CELSR1: variants seen among roughly 807,000 people sequenced by gnomAD.
The protein encoded by CELSR1 is cadherin EGF LAG seven-pass G-type receptor 1.
A neutral mutation model predicts 249.1 loss-of-function variants in CELSR1; 110 were observed. The observed-to-expected ratio is 0.44, with a 90% CI of 0.38 to 0.52. CELSR1 has a LOEUF of 0.52. CELSR1 is among the 20% of genes least tolerant of loss of function. The pLI is 0.00. For missense variants in CELSR1, 4,109 were observed against 4,296.4 expected (o/e 0.96, Z 1.22); for synonymous variants, 2,113 against 1,900.0 (o/e 1.11, Z -2.92).
Position 46,396,470 on chromosome 22 carries a change from TAA to T in CELSR1, c.5843+133_5843+134del. ...GATTTTCACTTAATTCATGCCAAAT[TAA>T]AAAAAAATATGTCCCTGTTACCCAG... On this transcript the variant is annotated intron_variant, in intron 13 of 34. Transcript: ENST00000674500. The surrounding 1 kb of genome is among the most constrained non-coding windows in gnomAD (Gnocchi z 6.4). 6 of 919,546 alleles carry T rather than the reference TAA, an allele frequency of 6.5e-6. No individual in the cohort carries two copies. The highest frequency in any genetic ancestry group is 8.6e-6 in the Non-Finnish European group (6 of 693,888). The allele number at this position is 919,546 out of a possible 1,614,324, so 57.0% of individuals were successfully genotyped here. A position where few individuals can be genotyped will look rare whatever the true frequency, so the allele number is the denominator to read the frequency against.
rs770857909 is a variant in CELSR1 at position 46,409,086 on chromosome 22, G to C, written c.5136C>G (p.Pro1712=). ...TCCGGAACATGAGCCCCAGGTACCA[G>C]GGCACAGAGATGATGATGTTCAGGT... The part of the protein sequence containing the change: ...WSDLNIIISV[P]WYLGLMFRTR... The change falls in exon 9 of 35, where the codon CCC becomes CCG. Residue 1712 remains proline (P), a synonymous_variant. Coordinates refer to ENST00000674500, the MANE Select transcript of CELSR1 (RefSeq NM_001378328.1). The surrounding 1 kb of genome is among the most constrained non-coding windows in gnomAD (Gnocchi z 9.8). 14 of 1,612,328 alleles carry C rather than the reference G, an allele frequency of 8.7e-6. 2 individuals carry two copies. The South Asian group carries it at 1.4e-4, about 16-fold the overall frequency.
Position 46,500,144 on chromosome 22 carries a change from A to T in CELSR1, c.3544+33483T>A, listed in dbSNP as rs1253761114. Reference sequence around the variant, plus strand: ...CACCCCAGCCCCTGGTCCTCCCAGCATGATCCCACCCCAGCCCCTGGTCCT... The same window carrying T: ...CACCCCAGCCCCTGGTCCTCCCAGCTTGATCCCACCCCAGCCCCTGGTCCT... On this transcript the variant is annotated intron_variant, in intron 1 of 34. Coordinates refer to ENST00000674500, the MANE Select transcript of CELSR1 (RefSeq NM_001378328.1). This position sits in a 1 kb window ranked among gnomAD's most constrained non-coding sequence, Gnocchi z 4.9. 8.3e-6 allele frequency among the ~76,000 whole-genome samples: 1 copy of T among 120,186 alleles called. No homozygotes were observed. The highest frequency in any genetic ancestry group is 3.2e-5 in the African/African-American group (1 of 31,112). The allele number at this position is 120,186 out of a possible 152,430, so 78.8% of individuals were successfully genotyped here.
Position 46,407,324 on chromosome 22 carries a change from T to A in CELSR1, c.5226+1672A>T, listed in dbSNP as rs1000756191. 6.6e-6 allele frequency among the ~76,000 whole-genome samples: 1 copy of A among 151,888 alleles called. No homozygotes were observed. The highest frequency in any genetic ancestry group is 1.5e-5 in the Non-Finnish European group (1 of 68,016). On this transcript the variant is annotated intron_variant, in intron 9 of 34. Transcript: ENST00000674500. This position sits in a 1 kb window ranked among gnomAD's most constrained non-coding sequence, Gnocchi z 4.8. Reference sequence around the variant, plus strand: ...ATGCACACACACTTGCACGGAGATATGCGCACACACACACACAAACTTGGA... The same window carrying A: ...ATGCACACACACTTGCACGGAGATAAGCGCACACACACACACAAACTTGGA...
chr22:46,518,218 C>A lies in CELSR1; in HGVS notation c.3544+15409G>T, dbSNP rs1211399662. On this transcript the variant is annotated intron_variant, in intron 1 of 34. Transcript: ENST00000674500. This position sits in a 1 kb window ranked among gnomAD's most constrained non-coding sequence, Gnocchi z 5.2. ...AGCCACCACGCCTGGCCTCGGCATC[C>A]CCTTTCTAAAGGACATCTCAAAGCA... is the stretch of plus-strand genomic sequence containing the variant. Among the ~76,000 whole-genome samples, 2 of 152,136 alleles carry A rather than the reference C, an allele frequency of 1.3e-5. No individual in the cohort carries two copies. Among genetic ancestry groups the A allele is most frequent in the African/African-American group, 4.8e-5 (2 of 41,444 alleles).
chr22:46,522,220 G>A (rs4823841), intron 1 of CELSR1, among the ~76,000 whole-genome samples: 28,380 of 152,118 alleles, frequency 0.19, 3,230 homozygotes, highest in Non-Finnish European at 0.23. Flanking sequence ...CCACCTCCCA[G>A]GCTGAAGCGA....
chr22:46,383,497 G>A (rs184528987), intron 20 of CELSR1, among the ~76,000 whole-genome samples: 218 of 152,264 alleles, frequency 1.4e-3, no homozygotes, highest in Middle Eastern at 6.8e-3. Context: ...GAAGGGGAAG[G>A]TGATTCTAAA....
At position 46,398,644 on chromosome 22, in the gene CELSR1, G is replaced by A. The variant is rs762161059; in HGVS notation, c.5413-7C>T. The A allele has an allele frequency of 2.4e-5, 39 of 1,602,852 alleles. No homozygotes were observed. Among genetic ancestry groups the A allele is most frequent in the African/African-American group, 1.7e-4 (13 of 74,500 alleles). Reference sequence around the variant, plus strand: ...CCCCGATATCTGCCTTGTTCTGTGCGGAGAGAGGGGCCGGGGATCTGGGGG... The same window carrying A: ...CCCCGATATCTGCCTTGTTCTGTGCAGAGAGAGGGGCCGGGGATCTGGGGG... On this transcript the variant is annotated splice_polypyrimidine_tract_variant and splice_region_variant and intron_variant, in intron 10 of 34. Transcript: ENST00000674500. The surrounding 1 kb of genome is among the most constrained non-coding windows in gnomAD (Gnocchi z 7.2).
intron 1 of CELSR1, among the ~76,000 whole-genome samples, chr22:46,499,065 A>G (rs931559993): frequency 2.0e-5 from 3 of 152,010 alleles, no homozygotes; most frequent in African/African-American, 7.2e-5. Context: ...CTGTAATCCC[A>G]GCTACTCCGG....
intron 5 of CELSR1, among the ~76,000 whole-genome samples, chr22:46,418,452 T>C (rs1452807735): frequency 6.6e-6 from 1 of 151,996 alleles, no homozygotes; most frequent in Non-Finnish European, 1.5e-5. Context: ...ACAACTACAC[T>C]CCAGCCTGGG....
In CELSR1 at chr22:46,484,895, C is replaced by T. The variant is rs937581042; in HGVS notation, c.3545-20550G>A. Among the ~76,000 whole-genome samples, 2 of 151,208 alleles carry T rather than the reference C, an allele frequency of 1.3e-5. No homozygotes were observed. The highest frequency in any genetic ancestry group is 6.6e-5 in the Admixed American group (1 of 15,102). ...GGAAAAGATCAAATATTGGCCCAGA[C>T]GTCTATTAATTTGCAACTTGCATTG... On this transcript the variant is annotated intron_variant, in intron 1 of 34. Transcript: ENST00000674500. The surrounding 1 kb of genome is among the most constrained non-coding windows in gnomAD (Gnocchi z 4.5).
rs541635501 is a variant in CELSR1, at chr22:46,412,568, T to TG, written c.4612-810dup. Reference sequence around the variant, plus strand: ...TTCTTCTGGAATCAGTGACCTTGGGTGAAACCTTTCCCTTCTCCAAGAGAC... The same window carrying TG: ...TTCTTCTGGAATCAGTGACCTTGGGTGGAAACCTTTCCCTTCTCCAAGAGAC... On this transcript the variant is annotated intron_variant, in intron 5 of 34. Transcript: ENST00000674500. This position sits in a 1 kb window ranked among gnomAD's most constrained non-coding sequence, Gnocchi z 4.5. Among the ~76,000 whole-genome samples the TG allele has an allele frequency of 1.1e-3, 162 of 152,202 alleles. 1 individual carries two copies. The Middle Eastern group carries it at 0.017, about 16-fold the overall frequency.
intron 2 of CELSR1, among the ~76,000 whole-genome samples, chr22:46,459,877 G>C (rs2080000688): frequency 6.6e-6 from 1 of 152,102 alleles, no homozygotes. Flanking sequence ...GAATCATCTA[G>C]AGCAGTAACC....
chr22:46,386,316 C>G (rs2147236518), intron 19 of CELSR1, 86 bp downstream of exon 19: 3 of 1,385,004 alleles, frequency 2.2e-6, no homozygotes, highest in East Asian at 5.5e-5. Flanking sequence ...GCCGGGAGCC[C>G]ACCTGCTTCA....
In CELSR1 at chr22:46,437,766, A is replaced by C. The variant is rs542815350; in HGVS notation, c.4406+1423T>G. Among the ~76,000 whole-genome samples, 539 of 152,078 alleles carry C rather than the reference A, an allele frequency of 3.5e-3. 6 individuals carry two copies. The highest frequency in any genetic ancestry group is 0.013 in the African/African-American group (523 of 41,394). On this transcript the variant is annotated intron_variant, in intron 3 of 34. Coordinates refer to ENST00000674500, the MANE Select transcript of CELSR1 (RefSeq NM_001378328.1). The surrounding 1 kb of genome is among the most constrained non-coding windows in gnomAD (Gnocchi z 4.9). ...AGACTCCGTCTCAAAAAAAAAAAAA[A>C]AACTGATGGTTCCCAACTGTCGCCC...
chr22:46,531,747 G>A lies in CELSR1; in HGVS notation c.3544+1880C>T, dbSNP rs549169157. ...GCAGCATGACACCACTCAGCTCCCG[G>A]TTACCAGGGAAACACATGAGAGCGC... On this transcript the variant is annotated intron_variant, in intron 1 of 34. Transcript: ENST00000674500. Among the ~76,000 whole-genome samples the A allele has an allele frequency of 3.3e-3, 508 of 152,234 alleles. 5 individuals carry two copies. The highest frequency in any genetic ancestry group is 0.012 in the African/African-American group (485 of 41,532).
At chr22:46,383,123 C>T (rs1409738884) in intron 20 of CELSR1, among the ~76,000 whole-genome samples, 1 of 152,212 alleles carries the variant, frequency 6.6e-6, no homozygotes, top group Non-Finnish European at 1.5e-5. Context: ...TGAGCGAGTT[C>T]TCACTCTATT....
In CELSR1 at chr22:46,464,200, C is replaced by T; in HGVS notation, c.3690G>A (p.Gly1230=). ...LSPLLALFVE[G]VAAVLSTTKD... ...TGGTGGTGGACAGCACGGCGGCCAC[C>T]CCCTCCACGAAGAGGGCCAGCAGCG... Residue 1230 remains glycine (G), a synonymous_variant, in exon 2 of 35, where the codon GGG becomes GGA. Coordinates refer to ENST00000674500, the MANE Select transcript of CELSR1 (RefSeq NM_001378328.1). The surrounding 1 kb of genome is among the most constrained non-coding windows in gnomAD (Gnocchi z 8.5). 1.9e-6 allele frequency: 3 copies of T among 1,613,644 alleles called. No homozygotes were observed. The highest frequency in any genetic ancestry group is 2.2e-5 in the East Asian group (1 of 44,868).
intron 5 of CELSR1, among the ~76,000 whole-genome samples, chr22:46,432,309 G>A (rs1258165890): frequency 1.3e-5 from 2 of 152,216 alleles, no homozygotes; most frequent in African/African-American, 4.8e-5. Flanking sequence ...AACTGCTGGT[G>A]AGTCGCAGCC....
intron 2 of CELSR1, among the ~76,000 whole-genome samples, chr22:46,449,523 G>A (rs2079858697): frequency 6.6e-6 from 1 of 151,930 alleles, no homozygotes; most frequent in Non-Finnish European, 1.5e-5. Flanking sequence ...CTACTCACCT[G>A]CACTCAGCTG....
Sources: allele counts gnomAD v4.1 joint callset (sites outside exome capture counted in the v4.1 genomes callset), GRCh38; gene constraint gnomAD v4.1.1; non-coding constraint Gnocchi (gnomAD v3.1); transcripts MANE v1.5; gene names NCBI Gene and HGNC (gene_info 2026-07-23, HGNC 2026-07-21).